The following IL1RAPL2 variants were observed in gnomAD, a reference collection of about 807,000 sequenced individuals.
IL1RAPL2 encodes the protein interleukin 1 receptor accessory protein like 2, also known as X-linked interleukin-1 receptor accessory protein-like 2.
A neutral mutation model predicts 44.1 loss-of-function variants in IL1RAPL2; 3 were observed. The ratio of observed to expected loss-of-function variants is 0.07; its 90% CI spans 0.03 to 0.18. IL1RAPL2 has a LOEUF of 0.18. Among genes scored for constraint, IL1RAPL2 ranks in the 10% least tolerant of loss-of-function variants. The probability of loss-of-function intolerance (pLI) is 1.00; values close to 1 mark genes in which losing one functional copy is unlikely to be tolerated. For synonymous variants in IL1RAPL2, 181 were observed against 178.8 expected, an observed-to-expected ratio of 1.01 and a Z score of -0.10; for missense variants, 391 against 496.4, an observed-to-expected ratio of 0.79 and a Z score of 2.02.
intron 2 of IL1RAPL2, among the ~76,000 whole-genome samples, chrX:104,708,509 G>A (rs771896842): frequency 1.8e-5 from 2 of 110,962 alleles, no homozygotes; most frequent in Non-Finnish European, 3.8e-5. Context: ...GGGAATAAAT[G>A]AATTGAAGGC....
At chrX:105,243,615 T>TA (rs1362778517) in intron 4 of IL1RAPL2, among the ~76,000 whole-genome samples, 1 of 103,957 alleles carries the variant, frequency 9.6e-6, no homozygotes, top group Non-Finnish European at 1.9e-5. Flanking sequence ...ATTTTTTTTT[T>TA]ACAAAAGAGT....
intron 5 of IL1RAPL2, among the ~76,000 whole-genome samples, chrX:105,409,885 G>T (rs912532344): frequency 4.6e-5 from 5 of 108,333 alleles, no homozygotes; most frequent in Admixed American, 9.9e-5. Flanking sequence ...GAGTGTGGGG[G>T]GGGGGTTGGA....
chrX:105,705,840 A>T (rs978063397), intron 6 of IL1RAPL2, among the ~76,000 whole-genome samples: 1 of 111,627 alleles, frequency 9.0e-6, no homozygotes, highest in Non-Finnish European at 1.9e-5. Context: ...TACTTGTTAT[A>T]TGTTTGTTGA....
intron 5 of IL1RAPL2, among the ~76,000 whole-genome samples, chrX:105,319,783 C>T (rs1052836953): frequency 1.8e-5 from 2 of 111,765 alleles, no homozygotes; most frequent in East Asian, 5.6e-4. Flanking sequence ...ATGGAAATAA[C>T]GCTGTGCACA....
intron 2 of IL1RAPL2, among the ~76,000 whole-genome samples, chrX:104,897,447 A>T (rs1049250667): frequency 7.7e-4 from 86 of 112,186 alleles, no homozygotes; most frequent in Non-Finnish European, 1.1e-3. Context: ...TGTGATTTTT[A>T]AAAATTTCTG....
chrX:105,464,389 C>G (rs2036113948), intron 5 of IL1RAPL2, among the ~76,000 whole-genome samples: 1 of 111,476 alleles, frequency 9.0e-6, no homozygotes, highest in Admixed American at 9.5e-5. Flanking sequence ...CACTTAATGT[C>G]ATCAATAGGT....
intron 2 of IL1RAPL2, among the ~76,000 whole-genome samples, chrX:105,185,692 A>G (rs184999279): frequency 5.2e-4 from 58 of 112,369 alleles, no homozygotes; most frequent in African/African-American, 1.8e-3. Flanking sequence ...GATGACCTCA[A>G]AAGCCTGACA....
chrX:104,806,584 C>A (rs189590774), intron 2 of IL1RAPL2, among the ~76,000 whole-genome samples: 8 of 112,793 alleles, frequency 7.1e-5, no homozygotes, highest in Non-Finnish European at 1.1e-4. Context: ...ACTGAGAAAG[C>A]TGGAATGAAG....
chrX:105,349,657 C>G (rs1469768252), intron 5 of IL1RAPL2, among the ~76,000 whole-genome samples: 2 of 111,601 alleles, frequency 1.8e-5, no homozygotes, highest in Admixed American at 1.9e-4. Flanking sequence ...TGTTTGAGTC[C>G]TGTGGCTTTC....
chrX:105,003,170 T>G (rs991970807), intron 2 of IL1RAPL2, among the ~76,000 whole-genome samples: 1 of 111,386 alleles, frequency 9.0e-6, no homozygotes, highest in Non-Finnish European at 1.9e-5. Flanking sequence ...AAATATGCAA[T>G]GCACAGCTGT....
At chrX:105,462,470 G>A (rs1159065943) in intron 5 of IL1RAPL2, among the ~76,000 whole-genome samples, 2 of 111,213 alleles carry the variant, frequency 1.8e-5, no homozygotes, top group East Asian at 5.7e-4. Flanking sequence ...ACAGCATTGT[G>A]TTTTGGCCTT....
intron 2 of IL1RAPL2, among the ~76,000 whole-genome samples, chrX:104,727,759 A>G (rs1016140900): frequency 9.0e-6 from 1 of 111,482 alleles, no homozygotes. Flanking sequence ...AGCCATAAAA[A>G]TAAATCATTT....
At chrX:105,562,688 A>AGGCAT (rs1349629318) in intron 6 of IL1RAPL2, among the ~76,000 whole-genome samples, 2 of 111,244 alleles carry the variant, frequency 1.8e-5, no homozygotes, top group Non-Finnish European at 3.8e-5. Context: ...GCTTGCCAGA[A>AGGCAT]GGCTTAGCTT....
intron 2 of IL1RAPL2, among the ~76,000 whole-genome samples, chrX:104,944,880 C>G (rs1925301366): frequency 9.0e-6 from 1 of 111,616 alleles, no homozygotes; most frequent in Non-Finnish European, 1.9e-5. Context: ...TGAAATTCTG[C>G]TCAGCTACTA....
At chrX:105,754,230 A>T (rs2038618869) in intron 9 of IL1RAPL2, among the ~76,000 whole-genome samples, 1 of 112,433 alleles carries the variant, frequency 8.9e-6, no homozygotes, top group Non-Finnish European at 1.9e-5. Context: ...AACTTAAAAA[A>T]ATTTTTTTTA....
At chrX:105,533,174 C>T (rs1014850755) in intron 6 of IL1RAPL2, among the ~76,000 whole-genome samples, 19 of 110,561 alleles carry the variant, frequency 1.7e-4, no homozygotes, top group Admixed American at 3.9e-4. Flanking sequence ...TGGGCGACAG[C>T]GCAAGACTCC....
intron 2 of IL1RAPL2, among the ~76,000 whole-genome samples, chrX:104,661,825 G>T (rs745510611): frequency 9.0e-6 from 1 of 111,706 alleles, no homozygotes; most frequent in African/African-American, 3.2e-5. Context: ...ATCACTAACG[G>T]AACTCGTAAC....
intron 6 of IL1RAPL2, among the ~76,000 whole-genome samples, chrX:105,590,813 T>TTGTGTG (rs199802193): frequency 1.2e-4 from 12 of 97,220 alleles, no homozygotes; most frequent in African/African-American, 2.4e-4. Flanking sequence ...TGGCCTGAAT[T>TTGTGTG]TGTGTGTGTG....
chrX:105,364,965 C>T (rs984304319), intron 5 of IL1RAPL2, among the ~76,000 whole-genome samples: 1 of 111,658 alleles, frequency 9.0e-6, no homozygotes, highest in African/African-American at 3.2e-5. Context: ...GAGTGTACAT[C>T]CTTGTCTTGT....
Sources: gnomAD v4.1 joint callset for allele counts (sites outside exome capture counted in the v4.1 genomes callset) on GRCh38, gnomAD v4.1.1 for gene constraint, MANE v1.5 for transcripts, NCBI Gene and HGNC (gene_info 2026-07-23, HGNC 2026-07-21) for gene names.